Variants in UPF2 observed in about 807,000 individuals in gnomAD.
The protein encoded by UPF2 is UPF2 regulator of nonsense mediated mRNA decay.
In UPF2, 17 loss-of-function variants were observed where a neutral mutation model predicts 141.4. That is an observed-to-expected ratio of 0.12 (90% CI 0.08 to 0.18). The LOEUF (loss-of-function observed/expected upper bound fraction) is 0.18. UPF2 is among the 10% of genes least tolerant of loss of function. UPF2 has a pLI of 1.00. For synonymous variants in UPF2, 540 were observed against 498.0 expected (o/e 1.08, Z -1.12); for missense variants, 1,152 against 1,515.9 (o/e 0.76, Z 3.99).
chr10:11,931,438 T>C lies in UPF2; in HGVS notation c.3688+203A>G, dbSNP rs1832780723. The stretch of plus-strand genomic sequence containing the variant: ...CTTGCAAACGTAGCTTAGCAGTTTA[T>C]ACTCTAATTTAATTAGAGCAAAATA... On this transcript the variant is annotated intron_variant, in intron 20 of 21. Coordinates refer to ENST00000357604, the MANE Select transcript of UPF2 (RefSeq NM_015542.4). This position sits in a 1 kb window ranked among gnomAD's most constrained non-coding sequence, Gnocchi z 5.9. Among the ~76,000 whole-genome samples, 1 of 152,242 alleles carries C rather than the reference T, an allele frequency of 6.6e-6. No homozygotes were observed. The highest frequency in any genetic ancestry group is 2.4e-5 in the African/African-American group (1 of 41,466).
intron 2 of UPF2, among the ~76,000 whole-genome samples, chr10:12,029,769 G>C (rs10795920): frequency 0.22 from 33,254 of 151,754 alleles, 3,973 homozygotes; most frequent in East Asian, 0.46. Flanking sequence ...CAAGGCCAGC[G>C]TGGCCAATAT....
At chr10:11,967,286 A>T in intron 10 of UPF2, 55 bp downstream of exon 10, 1 of 1,028,586 alleles carries the variant, frequency 9.7e-7, no homozygotes, top group Non-Finnish European at 1.4e-6. Context: ...TCCACCATTT[A>T]TAATTAAAAC....
At chr10:11,964,735 G>C (rs1284765611) in intron 10 of UPF2, among the ~76,000 whole-genome samples, 1 of 152,132 alleles carries the variant, frequency 6.6e-6, no homozygotes, top group South Asian at 2.1e-4. Flanking sequence ...AAACTTACTT[G>C]ATTCTTATCC....
chr10:11,922,247 C>T (rs1028266174), intron 21 of UPF2, among the ~76,000 whole-genome samples: 1 of 152,214 alleles, frequency 6.6e-6, no homozygotes, highest in African/African-American at 2.4e-5. Context: ...AGACAACAGA[C>T]ATCTGTCGTT....
Position 11,967,345 on chromosome 10 carries a change from A to T in UPF2, c.2063T>A (p.Leu688Ter). 1 of 1,553,908 alleles carries T rather than the reference A, an allele frequency of 6.4e-7. No individual in the cohort carries two copies. The highest frequency in any genetic ancestry group is 8.7e-7 in the Non-Finnish European group (1 of 1,153,102). Residue 688 changes from leucine to a stop codon, truncating the protein, a stop_gained, in exon 10 of 22, where the codon TTA becomes TAA. Coordinates refer to ENST00000357604, the MANE Select transcript of UPF2 (RefSeq NM_015542.4). LOFTEE classifies it high-confidence loss of function. ...ATCAACTAATTCAGCACTAACCTTTAAACAATGCAGTGTGTCATTTTTGGT... is the reference window on the plus strand; with the variant it reads ...ATCAACTAATTCAGCACTAACCTTTTAACAATGCAGTGTGTCATTTTTGGT... ...MFTKNDTLHC[L>*]KMLLSDFSHH...
Position 12,029,290 on chromosome 10 carries a change from T to G in UPF2, c.600A>C (p.Lys200Asn). The G allele has an allele frequency of 6.2e-7, 1 of 1,614,212 alleles. No homozygotes were observed. The highest frequency in any genetic ancestry group is 8.5e-7 in the Non-Finnish European group (1 of 1,180,052). The change falls in exon 3 of 22, where the codon AAA (lysine) becomes AAC (asparagine). Residue 200 changes from lysine to asparagine, a missense_variant. Physicochemically the swap from Lys to Asn is moderately conservative, Grantham distance 94. Transcript: ENST00000357604. ...SHDFNGLNLS[K>N]YIAEAVASIV... ...TGGAAGCTACAGCTTCTGCAATGTA[T>G]TTGCTTAAATTTAGGCCATTAAAAT...
chr10:12,011,670 G>A (rs1834129570), intron 4 of UPF2, among the ~76,000 whole-genome samples: 1 of 152,082 alleles, frequency 6.6e-6, no homozygotes, highest in East Asian at 1.9e-4. Flanking sequence ...TCATGACAGG[G>A]CGCAGTGGCT....
At chr10:11,942,911 T>G in intron 17 of UPF2, 148 bp from the exon 18 acceptor site, 1 of 917,552 alleles carries the variant, frequency 1.1e-6, no homozygotes. Context: ...TTAAAAGAAT[T>G]TAAAGAAAAT....
At chr10:12,009,245 G>A (rs1182825428) in intron 4 of UPF2, among the ~76,000 whole-genome samples, 1 of 152,196 alleles carries the variant, frequency 6.6e-6, no homozygotes, top group Non-Finnish European at 1.5e-5. Context: ...AGCAGGTTCA[G>A]AGATTTTGTT....
In UPF2 at chr10:11,959,097, C is replaced by G; in HGVS notation, c.2370+74G>C. ...AACTTGAGCTCTACCCCCACTTCTCCTAGACTCTACATAAGCTTAGCACTA... is the reference window on the plus strand; with the variant it reads ...AACTTGAGCTCTACCCCCACTTCTCGTAGACTCTACATAAGCTTAGCACTA... On this transcript the variant is annotated intron_variant, in intron 12 of 21. Coordinates refer to ENST00000357604, the MANE Select transcript of UPF2 (RefSeq NM_015542.4). The surrounding 1 kb of genome is among the most constrained non-coding windows in gnomAD (Gnocchi z 5.9). 1.4e-6 allele frequency: 2 copies of G among 1,440,020 alleles called. No individual in the cohort carries two copies. The highest frequency in any genetic ancestry group is 1.6e-5 in the South Asian group (1 of 62,814). The allele number at this position is 1,440,020 out of a possible 1,614,324, so 89.2% of individuals were successfully genotyped here. A position where few individuals can be genotyped will look rare whatever the true frequency, so the allele number is the denominator to read the frequency against.
chr10:11,966,706 G>A (rs1281886167), intron 10 of UPF2, among the ~76,000 whole-genome samples: 1 of 152,234 alleles, frequency 6.6e-6, no homozygotes, highest in Non-Finnish European at 1.5e-5. Flanking sequence ...TTAAAGGCGT[G>A]AGCCACCACG....
intron 4 of UPF2, among the ~76,000 whole-genome samples, chr10:12,009,304 A>G (rs1349349535): frequency 6.6e-6 from 1 of 152,220 alleles, no homozygotes; most frequent in African/African-American, 2.4e-5. Context: ...AGTGTTAATC[A>G]ACAGAGGACA....
intron 4 of UPF2, among the ~76,000 whole-genome samples, chr10:12,005,850 C>T (rs549403832): frequency 2.4e-5 from 3 of 124,866 alleles, no homozygotes; most frequent in Admixed American, 8.2e-5. Flanking sequence ...GGATTACAGG[C>T]GTGAGCCACC....
rs1434608704 is a variant in UPF2 at position 12,016,191 on chromosome 10, T to C, written c.1146-2007A>G. Among the ~76,000 whole-genome samples the C allele has an allele frequency of 6.6e-6, 1 of 152,162 alleles. No homozygotes were observed. The highest frequency in any genetic ancestry group is 1.9e-4 in the East Asian group (1 of 5,192). ...TCAGAAGTTCTAATAGAACTCATTT[T>C]GGAAGTGAAAAGTCATTTAAAAAAA... is the stretch of plus-strand genomic sequence containing the variant. On this transcript the variant is annotated intron_variant, in intron 3 of 21. Transcript: ENST00000357604. This position sits in a 1 kb window ranked among gnomAD's most constrained non-coding sequence, Gnocchi z 4.1.
At chr10:11,965,156 G>A (rs938335954) in intron 10 of UPF2, among the ~76,000 whole-genome samples, 3 of 152,118 alleles carry the variant, frequency 2.0e-5, no homozygotes, top group African/African-American at 7.2e-5. Flanking sequence ...TCATTGTAGA[G>A]AAATCTGTGG....
At position 11,998,659 on chromosome 10, in the gene UPF2, C is replaced by A. The variant is rs1323407559; in HGVS notation, c.1759-902G>T. On this transcript the variant is annotated intron_variant, in intron 7 of 21. Transcript: ENST00000357604. The surrounding 1 kb of genome is among the most constrained non-coding windows in gnomAD (Gnocchi z 4.5). ...CGTGAGGTCAGGAGTTCAAGACCAG[C>A]CTGGCCAACATAGTGAAACCCTGTC... is the stretch of plus-strand genomic sequence containing the variant. 6.6e-6 allele frequency among the ~76,000 whole-genome samples: 1 copy of A among 152,074 alleles called. No homozygotes were observed. Among genetic ancestry groups the A allele is most frequent in the African/African-American group, 2.4e-5 (1 of 41,410 alleles).
chr10:12,036,066 T>C (rs1834620136), intron 1 of UPF2, among the ~76,000 whole-genome samples: 1 of 151,882 alleles, frequency 6.6e-6, no homozygotes, highest in Non-Finnish European at 1.5e-5. Context: ...TTCATCTGTA[T>C]TAGTTAAAGT....
Position 11,997,592 on chromosome 10 carries a change from T to C in UPF2, c.1844+80A>G, listed in dbSNP as rs1041025689. 19 of 1,248,590 alleles carry C rather than the reference T, an allele frequency of 1.5e-5. No homozygotes were observed. The African/African-American group carries it at 2.4e-4, about 16-fold the overall frequency. 77.3% of individuals were successfully genotyped at this position (1,248,590 alleles called of 1,614,324 possible). ...GTGAATAAAATCAAAAGCAATATTT[T>C]TCAAGAGGTAAGAATTTTGATCTTA... On this transcript the variant is annotated intron_variant, in intron 8 of 21. Transcript: ENST00000357604.
chr10:12,001,585 C>T, intron 6 of UPF2, 91 bp downstream of exon 6: 1 of 1,246,266 alleles, frequency 8.0e-7, no homozygotes, highest in Non-Finnish European at 1.1e-6. Flanking sequence ...TTAAAAAATA[C>T]AGAATTAAGG....
Sources: allele counts gnomAD v4.1 joint callset (sites outside exome capture counted in the v4.1 genomes callset), GRCh38; gene constraint gnomAD v4.1.1; non-coding constraint Gnocchi (gnomAD v3.1); transcripts MANE v1.5; gene names NCBI Gene and HGNC (gene_info 2026-07-23, HGNC 2026-07-21).